KIFC2: variants seen among roughly 807,000 people sequenced by gnomAD.
KIFC2 encodes kinesin-like protein KIFC2.
In KIFC2, 94 loss-of-function variants were observed where a neutral mutation model predicts 91.5. The observed-to-expected ratio is 1.03, with a 90% CI of 0.87 to 1.22. The LOEUF is 1.22. KIFC2 is among the 50% of genes most tolerant of loss of function. The pLI, the probability that KIFC2 is intolerant of heterozygous loss-of-function variation, is 0.00. For synonymous variants in KIFC2, 729 were observed against 503.9 expected (o/e 1.45, Z -5.98); for missense variants, 1,357 against 1,103.3 (o/e 1.23, Z -3.26).
chr8:144,468,461 G>A, intron 8 of KIFC2, 55 bp downstream of exon 8: 1 of 1,592,024 alleles, frequency 6.3e-7, no homozygotes, highest in South Asian at 1.1e-5. Context: ...CTGGGGTTTT[G>A]GGAGGGGCTT....
Position 144,472,667 on chromosome 8 carries a change from C to G in KIFC2, c.1822C>G (p.Leu608Val), listed in dbSNP as rs998568795. The change falls in exon 16 of 18, where the codon CTG becomes GTG. Residue 608 changes from leucine (L) to valine (V), a missense_variant. Coordinates refer to ENST00000645548, the MANE Select transcript of KIFC2 (RefSeq NM_001369769.2). ...CTCGCATGCCCTGGTCACGCTGACG[C>G]TGCGCGCGGCGTCTCCACCGCGCGC... is the stretch of plus-strand genomic sequence containing the variant. ...SRSHALVTLT[L>V]RAASPPRAPG... 1.3e-6 allele frequency: 2 copies of G among 1,597,070 alleles called. No homozygotes were observed. Among genetic ancestry groups the G allele is most frequent in the Non-Finnish European group, 1.7e-6 (2 of 1,178,506 alleles).
Position 144,473,247 on chromosome 8 carries a change from G to A in KIFC2, c.2234G>A (p.Gly745Glu). Residue 745 changes from glycine (G) to glutamate (E), a missense_variant, in exon 18 of 18, where the codon GGG becomes GAG. Gly to Glu is a moderately conservative substitution (Grantham distance 98, BLOSUM62 -2). Coordinates refer to ENST00000645548, the MANE Select transcript of KIFC2 (RefSeq NM_001369769.2). Reference sequence around the variant, plus strand: ...CGCCGCAGGGTCCCGCGCTCCTCCGGGACGCCTTCTTCCCTCAGCACCGAC... The same window carrying A: ...CGCCGCAGGGTCCCGCGCTCCTCCGAGACGCCTTCTTCCCTCAGCACCGAC... ...ARRRRVPRSS[G>E]TPSSLSTDTP... The A allele has an allele frequency of 1.2e-6, 2 of 1,603,578 alleles. No individual in the cohort carries two copies. The highest frequency in any genetic ancestry group is 8.5e-7 in the Non-Finnish European group (1 of 1,176,164).
At chr8:144,466,680 C>G (rs548389033) in intron 1 of KIFC2, 80 bp from the exon 2 acceptor site, 1 of 1,255,782 alleles carries the variant, frequency 8.0e-7, no homozygotes, top group African/African-American at 1.6e-5. Flanking sequence ...CGGCCCCAAT[C>G]CTCCGGCCCG....
In KIFC2 at chr8:144,472,687, G is replaced by T; in HGVS notation, c.1842G>T (p.Pro614=). The change falls in exon 16 of 18, where the codon CCG becomes CCT. Residue 614 remains proline (P), a synonymous_variant. Transcript: ENST00000645548. The stretch of plus-strand genomic sequence containing the variant: ...TGACGCTGCGCGCGGCGTCTCCACC[G>T]CGCGCTCCAGGCACCGCAGGTACCA... The part of the protein sequence containing the change: ...VTLTLRAASP[P]RAPGTAGTLH... 6.3e-7 allele frequency: 1 copy of T among 1,595,256 alleles called. No individual in the cohort carries two copies. The highest frequency in any genetic ancestry group is 8.5e-7 in the Non-Finnish European group (1 of 1,178,020).
chr8:144,468,388 A>G lies in KIFC2; in HGVS notation c.870A>G (p.Thr290=). 2.5e-6 allele frequency: 4 copies of G among 1,612,930 alleles called. No individual in the cohort carries two copies. Among genetic ancestry groups the G allele is most frequent in the Admixed American group, 1.7e-5 (1 of 60,002 alleles). The change falls in exon 8 of 18, where the codon ACA becomes ACG. Residue 290 remains threonine (T), a synonymous_variant. Coordinates refer to ENST00000645548, the MANE Select transcript of KIFC2 (RefSeq NM_001369769.2). ...GGCTTCAGGAGGCCCAAGACACCAC[A>G]GAAGCCCTCCGAGCCCAGGTGGGCA... ...QGRLQEAQDT[T]EALRAQLGVQ...
At position 144,473,511 on chromosome 8, in the gene KIFC2, C is replaced by G. The variant is rs920838189; in HGVS notation, c.*122C>G. The G allele has an allele frequency of 2.0e-5, 28 of 1,387,114 alleles. No homozygotes were observed. The highest frequency in any genetic ancestry group is 2.1e-4 in the Middle Eastern group (1 of 4,728). 85.9% of individuals were successfully genotyped at this position (1,387,114 alleles called of 1,614,324 possible). On this transcript the variant is annotated 3_prime_UTR_variant, in exon 18 of 18. Coordinates refer to ENST00000645548, the MANE Select transcript of KIFC2 (RefSeq NM_001369769.2). ...TCCCTAGCCTCTTTGGATCCATTGC[C>G]CCTGAGCTCCCAGAGTCACCCCTCC... is the stretch of plus-strand genomic sequence containing the variant.
chr8:144,469,743 C>T, intron 12 of KIFC2, 96 bp downstream of exon 12: 2 of 1,423,012 alleles, frequency 1.4e-6, no homozygotes, highest in South Asian at 1.4e-5. Flanking sequence ...TGGGTGTCCA[C>T]CTGGAGGAGA....
At chr8:144,468,146 G>A (rs918529401) in intron 7 of KIFC2, 159 bp downstream of exon 7, 17 of 1,105,748 alleles carry the variant, frequency 1.5e-5, no homozygotes, top group South Asian at 1.3e-4. Context: ...CCCCCTCTCC[G>A]TGGCCCCTCT....
chr8:144,470,405 A>G (rs909214908), intron 12 of KIFC2, among the ~76,000 whole-genome samples: 4 of 152,182 alleles, frequency 2.6e-5, no homozygotes, highest in East Asian at 3.9e-4. Context: ...CTCTCAGTCA[A>G]TGTGTCTGAA....
chr8:144,473,191 A>G lies in KIFC2; in HGVS notation c.2178A>G (p.Arg726=), dbSNP rs1315478962. 1.9e-6 allele frequency: 3 copies of G among 1,582,474 alleles called. No individual in the cohort carries two copies. The highest frequency in any genetic ancestry group is 2.6e-6 in the Non-Finnish European group (3 of 1,165,194). ...ETVCSLKFAD[R]VGQVELGPAR... ...TCTGCTCCCTCAAGTTCGCCGACCG[A>G]GTGGGTCAAGTGGAGCTGGGGCCAG... Residue 726 remains arginine, a synonymous_variant, in exon 18 of 18, where the codon CGA becomes CGG. Coordinates refer to ENST00000645548, the MANE Select transcript of KIFC2 (RefSeq NM_001369769.2).
At chr8:144,467,686 C>A (rs978582564) in intron 5 of KIFC2, 28 bp from the exon 6 acceptor site, 1 of 1,611,762 alleles carries the variant, frequency 6.2e-7, no homozygotes, top group East Asian at 2.2e-5. Context: ...AAAAGGAGGT[C>A]CACCCTGTCT....
intron 10 of KIFC2, among the ~76,000 whole-genome samples, 185 bp from the exon 11 acceptor site, chr8:144,469,086 A>G (rs1402149654): frequency 6.6e-6 from 1 of 152,212 alleles, no homozygotes; most frequent in Non-Finnish European, 1.5e-5. Flanking sequence ...CCTGCCTGTC[A>G]TTCCTGGGCT....
At chr8:144,470,109 C>G (rs1824869540) in intron 12 of KIFC2, among the ~76,000 whole-genome samples, 1 of 152,236 alleles carries the variant, frequency 6.6e-6, no homozygotes, top group African/African-American at 2.4e-5. Flanking sequence ...CTGCACATGC[C>G]CTTTGCTGCT....
In KIFC2 at chr8:144,468,277, G is replaced by T. The variant is rs538888955; in HGVS notation, c.811-52G>T. ...ACTTGACTTTCCCATCTGTGAAATGGTACCACAGACCGTCCCTCTCTGAGT... is the reference window on the plus strand; with the variant it reads ...ACTTGACTTTCCCATCTGTGAAATGTTACCACAGACCGTCCCTCTCTGAGT... On this transcript the variant is annotated intron_variant, in intron 7 of 17. Transcript: ENST00000645548. 5.4e-6 allele frequency: 8 copies of T among 1,488,266 alleles called. No individual in the cohort carries two copies. In the East Asian group the frequency reaches 1.9e-4, roughly 34 times the overall value. The allele number at this position is 1,488,266 out of a possible 1,614,324, so 92.2% of individuals were successfully genotyped here. A position where few individuals can be genotyped will look rare whatever the true frequency, so the allele number is the denominator to read the frequency against.
At position 144,466,448 on chromosome 8, in the gene KIFC2, A is replaced by T; in HGVS notation, c.29A>T (p.Tyr10Phe). The stretch of plus-strand genomic sequence containing the variant: ...TACGCCTTTTACTCGTTGCTCATCT[A>T]CATCTTCTACAGCCTCTTCCGCAGG... MYAFYSLLI[Y>F]IFYSLFRRDG... Residue 10 changes from tyrosine (Y) to phenylalanine (F), a missense_variant, in exon 1 of 18, where the codon TAC becomes TTC. By Grantham distance (22) the Tyr-to-Phe change is conservative. Transcript: ENST00000645548. The T allele has an allele frequency of 7.3e-7, 1 of 1,362,818 alleles. No individual in the cohort carries two copies. The highest frequency in any genetic ancestry group is 9.6e-7 in the Non-Finnish European group (1 of 1,044,646). 84.4% of individuals were successfully genotyped at this position (1,362,818 alleles called of 1,614,324 possible).
Position 144,473,346 on chromosome 8 carries a change from G to C in KIFC2, c.2333G>C (p.Gly778Ala). The C allele has an allele frequency of 6.3e-7, 1 of 1,586,128 alleles. No individual in the cohort carries two copies. The highest frequency in any genetic ancestry group is 1.3e-5 in the African/African-American group (1 of 74,332). Residue 778 changes from glycine to alanine, a missense_variant, in exon 18 of 18, where the codon GGC becomes GCC. Transcript: ENST00000645548. ...GSPPCPSPDNGSGSALAPAEG... is the reference protein window; with the variant it reads ...GSPPCPSPDNASGSALAPAEG... The stretch of plus-strand genomic sequence containing the variant: ...CCTCCATGCCCCAGTCCCGACAACG[G>C]CTCGGGCTCGGCTCTCGCGCCCGCA...
chr8:144,466,848 G>C lies in KIFC2; in HGVS notation c.178+10G>C. The C allele has an allele frequency of 9.1e-6, 14 of 1,536,948 alleles. No individual in the cohort carries two copies. Among genetic ancestry groups the C allele is most frequent in the Middle Eastern group, 2.0e-4 (1 of 5,104 alleles). ...CTGACCGGCCTGGCCGGTAGGTGCG[G>C]GCTGGGAGTCCCGCGGTGCGAGGGC... On this transcript the variant is annotated intron_variant, in intron 2 of 17. Coordinates refer to ENST00000645548, the MANE Select transcript of KIFC2 (RefSeq NM_001369769.2).
At position 144,472,493 on chromosome 8, in the gene KIFC2, G is replaced by T. The variant is rs768201810; in HGVS notation, c.1731+9G>T. 1.2e-6 allele frequency: 2 copies of T among 1,611,384 alleles called. No homozygotes were observed. Among genetic ancestry groups the T allele is most frequent in the Admixed American group, 3.3e-5 (2 of 59,862 alleles). On this transcript the variant is annotated intron_variant, in intron 15 of 17. Transcript: ENST00000645548. The stretch of plus-strand genomic sequence containing the variant: ...TGGAGACATTGCACCAGGTAGGGCT[G>T]CACCGCTCTCCGAGACCCCGCCCCG...
chr8:144,474,122 G>A lies in KIFC2; in HGVS notation c.*733G>A, dbSNP rs1825061934. The A allele has an allele frequency of 1.3e-6, 1 of 799,728 alleles. No homozygotes were observed. The highest frequency in any genetic ancestry group is 1.9e-6 in the Non-Finnish European group (1 of 514,464). 49.5% of individuals were successfully genotyped at this position (799,728 alleles called of 1,614,324 possible). On this transcript the variant is annotated 3_prime_UTR_variant, in exon 18 of 18. Coordinates refer to ENST00000645548, the MANE Select transcript of KIFC2 (RefSeq NM_001369769.2). ...ATAAACACCGTGGACTCCCAGCAAG[G>A]CTGCTGCCTGGTGTTTCGAGGCTGC...
Sources: gnomAD v4.1 joint callset for allele counts (sites outside exome capture counted in the v4.1 genomes callset) on GRCh38, gnomAD v4.1.1 for gene constraint, MANE v1.5 for transcripts, NCBI Gene and HGNC (gene_info 2026-07-23, HGNC 2026-07-21) for gene names.